The following BIRC6 variants were observed in gnomAD, a reference collection of about 807,000 sequenced individuals.
BIRC6 encodes baculoviral IAP repeat containing 6, also known as dual E2 ubiquitin-conjugating enzyme/E3 ubiquitin-protein ligase BIRC6.
A neutral mutation model predicts 503.3 loss-of-function variants in BIRC6; 98 were observed. The observed-to-expected ratio is 0.19, with a 90% CI of 0.17 to 0.23. BIRC6 has a LOEUF of 0.23. BIRC6 is among the 10% of genes least tolerant of loss of function. The probability of loss-of-function intolerance (pLI) is 1.00; values close to 1 mark genes in which losing one functional copy is unlikely to be tolerated. For synonymous variants in BIRC6, 2,240 were observed against 2,078.7 expected (o/e 1.08, Z -2.11); for missense variants, 5,360 against 5,806.0 (o/e 0.92, Z 2.50).
In BIRC6 at chr2:32,436,147, T is replaced by A; in HGVS notation, c.3594T>A (p.Ala1198=). ...GTGGCCTTGATCTATCAGGGCATGC[T>A]GGAATGTTGACGTTAACAAGCCCCA... is the stretch of plus-strand genomic sequence containing the variant. ...LASGLDLSGH[A]GMLTLTSPKL... is the part of the protein sequence containing the mutation. Residue 1198 remains alanine (A), a synonymous_variant, in exon 15 of 74, where the codon GCT becomes GCA. Coordinates refer to ENST00000421745, the MANE Select transcript of BIRC6 (RefSeq NM_016252.4). The A allele has an allele frequency of 8.1e-6, 12 of 1,475,900 alleles. No homozygotes were observed. Among genetic ancestry groups the A allele is most frequent in the Non-Finnish European group, 1.1e-5 (12 of 1,096,600 alleles). 91.4% of individuals were successfully genotyped at this position (1,475,900 alleles called of 1,614,324 possible).
At chr2:32,368,594 C>G (rs367763641) in intron 1 of BIRC6, among the ~76,000 whole-genome samples, 2 of 152,224 alleles carry the variant, frequency 1.3e-5, no homozygotes, top group African/African-American at 4.8e-5. Flanking sequence ...TTCAAACTCT[C>G]TAACTCCCTA....
At chr2:32,444,031 GTTT>G (rs776568064) in intron 20 of BIRC6, among the ~76,000 whole-genome samples, 2 of 136,862 alleles carry the variant, frequency 1.5e-5, no homozygotes. Context: ...GGGACCAGTG[GTTT>G]TTTTTTTTTT....
At chr2:32,487,948 C>G in intron 41 of BIRC6, 147 bp downstream of exon 41, 1 of 670,214 alleles carries the variant, frequency 1.5e-6, no homozygotes, top group Non-Finnish European at 2.5e-6. Flanking sequence ...ACTTTGATTA[C>G]CAAAGTAATC....
intron 45 of BIRC6, among the ~76,000 whole-genome samples, chr2:32,496,257 G>C (rs967419537): frequency 1.4e-5 from 2 of 145,606 alleles, no homozygotes; most frequent in African/African-American, 5.1e-5. Context: ...AGACAACTTT[G>C]CTCTGTCGCC....
chr2:32,400,443 A>G (rs1174551106), intron 6 of BIRC6, among the ~76,000 whole-genome samples: 1 of 150,770 alleles, frequency 6.6e-6, no homozygotes, highest in East Asian at 2.0e-4. Flanking sequence ...GGTTCAAGCA[A>G]TTCTTCTGCC....
At chr2:32,549,198 A>G (rs1292566443) in intron 64 of BIRC6, 115 bp from the exon 65 acceptor site, 4 of 652,220 alleles carry the variant, frequency 6.1e-6, no homozygotes, top group Admixed American at 3.6e-5. Flanking sequence ...ATAGTATAAG[A>G]TACTGATTAA....
intron 50 of BIRC6, among the ~76,000 whole-genome samples, chr2:32,507,480 G>A (rs2149552817): frequency 6.6e-6 from 1 of 152,208 alleles, no homozygotes; most frequent in African/African-American, 2.4e-5. Flanking sequence ...AAACTCAGCT[G>A]TGAGGTTAAA....
chr2:32,595,247 G>T (rs908753800), intron 68 of BIRC6, 103 bp downstream of exon 68: 1 of 700,370 alleles, frequency 1.4e-6, no homozygotes, highest in Admixed American at 3.5e-5. Context: ...AAAATTGCTT[G>T]TAACATGAAT....
chr2:32,579,013 A>AATATATATATACCTAATAT (rs1559094286), intron 66 of BIRC6, among the ~76,000 whole-genome samples: 2 of 45,266 alleles, frequency 4.4e-5, no homozygotes, highest in East Asian at 3.1e-4. Context: ...ATATATACCT[A>AATATATATATACCTAATAT]ATATATATAT....
chr2:32,420,315 T>C (rs1472653793), intron 10 of BIRC6, among the ~76,000 whole-genome samples: 1 of 152,150 alleles, frequency 6.6e-6, no homozygotes, highest in African/African-American at 2.4e-5. Context: ...TTGGTAGAAT[T>C]CGCCAGTGAA....
intron 15 of BIRC6, among the ~76,000 whole-genome samples, chr2:32,438,435 A>T (rs939620190): frequency 6.6e-6 from 1 of 152,176 alleles, no homozygotes; most frequent in Non-Finnish European, 1.5e-5. Context: ...CAATAGACTG[A>T]TAGTTTGCTG....
chr2:32,489,416 A>G (rs183012065), intron 42 of BIRC6, among the ~76,000 whole-genome samples: 6 of 151,940 alleles, frequency 3.9e-5, no homozygotes, highest in African/African-American at 1.4e-4. Context: ...ATAGGTTTCC[A>G]TCTCTTCAAC....
chr2:32,461,312 GGA>G (rs1162646151), intron 23 of BIRC6, among the ~76,000 whole-genome samples: 1 of 149,932 alleles, frequency 6.7e-6, no homozygotes, highest in Non-Finnish European at 1.5e-5. Flanking sequence ...TGAGTAGCTG[GGA>G]TTGGAGGCTT....
At chr2:32,364,317 G>A (rs574842918) in intron 1 of BIRC6, among the ~76,000 whole-genome samples, 6 of 152,032 alleles carry the variant, frequency 3.9e-5, no homozygotes, top group African/African-American at 1.4e-4. Context: ...GTGCAATGGC[G>A]CAGTCTCTGC....
intron 65 of BIRC6, among the ~76,000 whole-genome samples, chr2:32,561,242 T>C (rs1190143862): frequency 6.6e-6 from 1 of 151,410 alleles, no homozygotes; most frequent in Non-Finnish European, 1.5e-5. Context: ...TTTTTTTTTT[T>C]TTCTTTTTTC....
At chr2:32,578,676 A>G (rs1248305508) in intron 66 of BIRC6, among the ~76,000 whole-genome samples, 1 of 151,818 alleles carries the variant, frequency 6.6e-6, no homozygotes, top group Non-Finnish European at 1.5e-5. Context: ...CATACCTGTA[A>G]TCCCAGGAAC....
intron 7 of BIRC6, 33 bp downstream of exon 7, chr2:32,401,418 A>C (rs370521293): frequency 3.7e-6 from 6 of 1,612,700 alleles, no homozygotes; most frequent in Non-Finnish European, 5.1e-6. Flanking sequence ...CAAATTAGTA[A>C]TTGAAAAAAG....
chr2:32,600,105 A>G (rs1018335036), intron 70 of BIRC6, among the ~76,000 whole-genome samples: 1 of 152,250 alleles, frequency 6.6e-6, no homozygotes, highest in Non-Finnish European at 1.5e-5. Flanking sequence ...AAGCACTTAC[A>G]GTCTTAAGAA....
At position 32,377,368 on chromosome 2, in the gene BIRC6, G is replaced by T. The variant is rs116378051; in HGVS notation, c.326-220G>T. ...GATGTTCTTTTATAATAGCAATTTGGTTGTCAAATTTTAGTAATTTCACAT... is the reference window on the plus strand; with the variant it reads ...GATGTTCTTTTATAATAGCAATTTGTTTGTCAAATTTTAGTAATTTCACAT... On this transcript the variant is annotated intron_variant, in intron 1 of 73. Transcript: ENST00000421745. Among the ~76,000 whole-genome samples, 265 of 151,888 alleles carry T rather than the reference G, an allele frequency of 1.7e-3. 2 individuals are homozygous for T. The highest frequency in any genetic ancestry group is 6.2e-3 in the African/African-American group (257 of 41,426).
Sources: allele counts gnomAD v4.1 joint callset (sites outside exome capture counted in the v4.1 genomes callset), GRCh38; gene constraint gnomAD v4.1.1; transcripts MANE v1.5; gene names NCBI Gene and HGNC (gene_info 2026-07-23, HGNC 2026-07-21).